The following RALGAPB variants were observed in gnomAD, a reference collection of about 807,000 sequenced individuals.
The protein encoded by RALGAPB is Ral GTPase activating protein non-catalytic subunit beta.
RALGAPB carries 25 observed loss-of-function variants against 161.1 expected under a neutral mutation model. That is an observed-to-expected ratio of 0.16 (90% CI 0.11 to 0.22). The LOEUF (loss-of-function observed/expected upper bound fraction) is 0.22, where lower values mean the gene tolerates loss of function less well. Ranked by LOEUF, RALGAPB falls within the 10% of genes least tolerant of loss-of-function variation. The probability of loss-of-function intolerance (pLI) is 1.00; values close to 1 mark genes in which losing one functional copy is unlikely to be tolerated. For synonymous variants in RALGAPB, 629 were observed against 626.1 expected (o/e 1.00, Z -0.07); for missense variants, 1,391 against 1,815.2 (o/e 0.77, Z 4.25).
Position 38,539,808 on chromosome 20 carries a change from G to T in RALGAPB, c.2412G>T (p.Lys804Asn), listed in dbSNP as rs765673489. The T allele has an allele frequency of 1.2e-6, 2 of 1,613,926 alleles. No individual in the cohort carries two copies. The highest frequency in any genetic ancestry group is 1.7e-6 in the Non-Finnish European group (2 of 1,179,890). ...VKVMVDSGDRKRAISSVCTYI... is the reference protein window; with the variant it reads ...VKVMVDSGDRNRAISSVCTYI... The stretch of plus-strand genomic sequence containing the variant: ...TGATGGTTGACTCAGGAGACCGGAA[G>T]CGAGCCATCAGTTCTGTGTGCACCT... The change falls in exon 17 of 30, where the codon AAG becomes AAT. Residue 804 changes from lysine to asparagine, a missense_variant. By Grantham distance (94) the Lys-to-Asn change is moderately conservative. Transcript: ENST00000262879.
intron 2 of RALGAPB, among the ~76,000 whole-genome samples, chr20:38,492,215 C>G (rs1262932572): frequency 6.6e-6 from 1 of 152,194 alleles, no homozygotes; most frequent in Non-Finnish European, 1.5e-5. Context: ...AAACCAGTGA[C>G]TTGGGCCAGA....
In RALGAPB at chr20:38,525,987, A is replaced by G; in HGVS notation, c.1995A>G (p.Ile665Met). 6.2e-7 allele frequency: 1 copy of G among 1,614,010 alleles called. No homozygotes were observed. Among genetic ancestry groups the G allele is most frequent in the Non-Finnish European group, 8.5e-7 (1 of 1,179,886 alleles). ...CCCTGAAGTTGAGACTTGTGAATAT[A>G]TTAATAGGTGCCTTGCAAACTGAAA... is the stretch of plus-strand genomic sequence containing the variant. ...FLSLKLRLVN[I>M]LIGALQTETD... is the part of the protein sequence containing the mutation. Residue 665 changes from isoleucine to methionine, a missense_variant, in exon 13 of 30, where the codon ATA (isoleucine) becomes ATG (methionine). Around this residue, in one of 3 missense-constraint regions of RALGAPB, gnomAD observed 946 missense variants for 1,257.2 expected, o/e 0.75. Transcript: ENST00000262879.
At chr20:38,475,618 CTTT>C (rs1230898524) in intron 1 of RALGAPB, among the ~76,000 whole-genome samples, 5 of 139,152 alleles carry the variant, frequency 3.6e-5, no homozygotes. Context: ...TTTTTTTTTT[CTTT>C]TTTTTTTTTT....
chr20:38,532,676 T>G, intron 14 of RALGAPB, 54 bp from the exon 15 acceptor site: 1 of 1,592,328 alleles, frequency 6.3e-7, no homozygotes, highest in Non-Finnish European at 8.6e-7. Flanking sequence ...TGACCTTTAT[T>G]TATGCTTGTA....
chr20:38,492,302 A>G (rs915414469), intron 2 of RALGAPB, among the ~76,000 whole-genome samples: 35 of 152,332 alleles, frequency 2.3e-4, no homozygotes, highest in African/African-American at 8.4e-4. Context: ...CTCAGTCCTT[A>G]GGATGTGATT....
chr20:38,498,092 A>G (rs983610754), intron 4 of RALGAPB, among the ~76,000 whole-genome samples: 1 of 140,632 alleles, frequency 7.1e-6, no homozygotes, highest in Non-Finnish European at 1.6e-5. Flanking sequence ...AAAAGAAAAG[A>G]AACAATTAAC....
chr20:38,572,189 TC>T (rs1416934756), intron 28 of RALGAPB, among the ~76,000 whole-genome samples: 5 of 152,194 alleles, frequency 3.3e-5, no homozygotes, highest in Non-Finnish European at 5.9e-5. Flanking sequence ...GAAATATGTT[TC>T]TAAGCAAAAT....
intron 16 of RALGAPB, among the ~76,000 whole-genome samples, chr20:38,539,032 G>A (rs2145377944): frequency 6.6e-6 from 1 of 152,344 alleles, no homozygotes; most frequent in East Asian, 1.9e-4. Flanking sequence ...GTATATCCAT[G>A]CAGTGGACTA....
At chr20:38,534,926 A>T in intron 15 of RALGAPB, 148 bp from the exon 16 acceptor site, 1 of 935,968 alleles carries the variant, frequency 1.1e-6, no homozygotes, top group Non-Finnish European at 1.6e-6. Context: ...CACTCAACCC[A>T]GTGGGGTGGG....
chr20:38,508,940 A>T, intron 5 of RALGAPB, 137 bp from the exon 6 acceptor site: 2 of 968,724 alleles, frequency 2.1e-6, no homozygotes, highest in Non-Finnish European at 3.0e-6. Context: ...CTGTTTTATA[A>T]ATGAGGGTTT....
intron 3 of RALGAPB, among the ~76,000 whole-genome samples, chr20:38,494,585 T>A (rs537106321): frequency 1.6e-4 from 24 of 152,270 alleles, no homozygotes; most frequent in African/African-American, 5.8e-4. Context: ...GAGCCGAGAT[T>A]GCACCACTGC....
intron 1 of RALGAPB, among the ~76,000 whole-genome samples, chr20:38,480,385 C>CTTTTTTTTTTTT (rs71189925): frequency 2.3e-5 from 3 of 128,746 alleles, no homozygotes; most frequent in African/African-American, 9.3e-5. Context: ...TTCTTTCTTT[C>CTTTTTTTTTTTT]TTTTTTTTTT....
intron 26 of RALGAPB, chr20:38,569,133 CA>C (rs1462746248): frequency 6.6e-6 from 1 of 152,166 alleles, no homozygotes; most frequent in Non-Finnish European, 1.5e-5. Flanking sequence ...CTGGTAAAGA[CA>C]TGTATATTTC....
chr20:38,473,943 C>T (rs373380625), intron 1 of RALGAPB, among the ~76,000 whole-genome samples: 4 of 152,290 alleles, frequency 2.6e-5, no homozygotes, highest in Middle Eastern at 3.4e-3. Flanking sequence ...CTTTCTCCAG[C>T]TTAAGTGTGC....
intron 5 of RALGAPB, among the ~76,000 whole-genome samples, chr20:38,502,251 CTT>C (rs1321874675): frequency 3.3e-5 from 5 of 152,164 alleles, no homozygotes; most frequent in African/African-American, 9.7e-5. Context: ...CAGTTAATCT[CTT>C]CAGTAAATAG....
At chr20:38,478,689 T>C (rs1239458838) in intron 1 of RALGAPB, among the ~76,000 whole-genome samples, 3 of 152,146 alleles carry the variant, frequency 2.0e-5, no homozygotes, top group Non-Finnish European at 4.4e-5. Flanking sequence ...CCACCTCGGC[T>C]CACCGCAGCC....
In RALGAPB at chr20:38,562,745, CTTGTTTTTT is replaced by C. The variant is rs367601114; in HGVS notation, c.3697+51_3697+59del. On this transcript the variant is annotated intron_variant, in intron 24 of 29. Coordinates refer to ENST00000262879, the MANE Select transcript of RALGAPB (RefSeq NM_020336.4). Reference sequence around the variant, plus strand: ...TGTCAGTTGTTTCTTGTTTGTTAGTCTTGTTTTTTTTTTTCCCCCTTTACTGTGATTTAT... The same window carrying C: ...TGTCAGTTGTTTCTTGTTTGTTAGTCTTTTTCCCCCTTTACTGTGATTTAT... 762 of 1,512,868 alleles carry C rather than the reference CTTGTTTTTT, an allele frequency of 5.0e-4. 6 individuals are homozygous for C. In the African/African-American group the frequency reaches 9.4e-3, roughly 19 times the overall value. 93.7% of individuals were successfully genotyped at this position (1,512,868 alleles called of 1,614,324 possible). A position where few individuals can be genotyped will look rare whatever the true frequency, so the allele number is the denominator to read the frequency against.
At chr20:38,523,076 C>T (rs1210526388) in intron 10 of RALGAPB, among the ~76,000 whole-genome samples, 1 of 152,104 alleles carries the variant, frequency 6.6e-6, no homozygotes, top group African/African-American at 2.4e-5. Context: ...ATCGCTTCAA[C>T]CCAGGAGGCG....
rs749635588 is a variant in RALGAPB, at chr20:38,518,025, TATC to T, written c.1417+28_1417+30del. The T allele has an allele frequency of 8.5e-5, 133 of 1,564,310 alleles. No homozygotes were observed. In the African/African-American group the frequency reaches 1.6e-3, roughly 19 times the overall value. ...GGTAAATATTACTCAAGAAATATGTTATCATTATTTTCCTTTTCCTTTTTCTTT... is the reference window on the plus strand; with the variant it reads ...GGTAAATATTACTCAAGAAATATGTTATTATTTTCCTTTTCCTTTTTCTTT... On this transcript the variant is annotated intron_variant, in intron 9 of 29. Transcript: ENST00000262879.
Sources: gnomAD v4.1 joint callset for allele counts (sites outside exome capture counted in the v4.1 genomes callset) on GRCh38, gnomAD v4.1.1 for gene constraint, gnomAD v4.1.1 regional missense constraint, MANE v1.5 for transcripts, NCBI Gene and HGNC (gene_info 2026-07-23, HGNC 2026-07-21) for gene names.